The following CDH4 variants were observed in gnomAD, a reference collection of about 807,000 sequenced individuals.
CDH4 encodes cadherin-4.
Under a neutral mutation model 86.0 loss-of-function variants are expected in CDH4, and 33 were observed. The ratio of observed to expected loss-of-function variants is 0.38; its 90% CI spans 0.29 to 0.51. The LOEUF (loss-of-function observed/expected upper bound fraction) is 0.51, where lower values mean the gene tolerates loss of function less well. Among genes scored for constraint, CDH4 ranks in the 20% least tolerant of loss-of-function variants. The pLI is 0.86. For synonymous variants in CDH4, 555 were observed against 549.4 expected, an observed-to-expected ratio of 1.01 and a Z score of -0.14; for missense variants, 1,114 against 1,307.4, an observed-to-expected ratio of 0.85 and a Z score of 2.28.
chr20:61,456,550 A>G (rs543632924), intron 2 of CDH4, among the ~76,000 whole-genome samples: 2 of 152,342 alleles, frequency 1.3e-5, no homozygotes, highest in South Asian at 4.1e-4. Flanking sequence ...ACATCAATAA[A>G]TAATTCACCC....
chr20:61,509,321 C>T (rs1035285403), intron 2 of CDH4, among the ~76,000 whole-genome samples: 1 of 151,878 alleles, frequency 6.6e-6, no homozygotes, highest in African/African-American at 2.4e-5. Flanking sequence ...CGGAGGGACT[C>T]ATCCTGCCCC....
intron 4 of CDH4, among the ~76,000 whole-genome samples, chr20:61,825,121 T>G (rs1397621354): frequency 6.6e-6 from 1 of 152,138 alleles, no homozygotes; most frequent in Admixed American, 6.6e-5. Flanking sequence ...AAAACTATCT[T>G]TATAGGCCAG....
At chr20:61,755,651 G>A (rs572366152) in intron 3 of CDH4, among the ~76,000 whole-genome samples, 2 of 148,284 alleles carry the variant, frequency 1.3e-5, no homozygotes, top group South Asian at 4.3e-4. Context: ...CACACACGGA[G>A]CATGTCACAC....
In CDH4 at chr20:61,727,643, G is replaced by A. The variant is rs138398734; in HGVS notation, c.170-15920G>A. ...AGGGCCTCAGGAAGCTTCCACTCAT[G>A]GCAGAAGGCAAAGGAGACCATAGGT... is the stretch of plus-strand genomic sequence containing the variant. On this transcript the variant is annotated intron_variant, in intron 2 of 15. Transcript: ENST00000614565. 1.2e-3 allele frequency among the ~76,000 whole-genome samples: 187 copies of A among 152,320 alleles called. 1 individual carries two copies. The highest frequency in any genetic ancestry group is 4.4e-3 in the African/African-American group (183 of 41,580).
At chr20:61,288,060 C>A (rs933641938) in intron 2 of CDH4, among the ~76,000 whole-genome samples, 1 of 152,140 alleles carries the variant, frequency 6.6e-6, no homozygotes, top group Non-Finnish European at 1.5e-5. Flanking sequence ...CAGTTATCAG[C>A]CTTGGAAAAT....
intron 2 of CDH4, among the ~76,000 whole-genome samples, chr20:61,329,057 A>C (rs1214944688): frequency 6.6e-6 from 1 of 152,222 alleles, no homozygotes; most frequent in African/African-American, 2.4e-5. Context: ...TTTGATAGTA[A>C]CATGTTGAGT....
intron 2 of CDH4, among the ~76,000 whole-genome samples, chr20:61,655,120 A>G (rs1324806250): frequency 6.6e-6 from 1 of 152,226 alleles, no homozygotes; most frequent in Non-Finnish European, 1.5e-5. Context: ...TAGCATGTGT[A>G]TGTGTGGTAG....
At chr20:61,895,121 C>CCT (rs1025312521) in intron 8 of CDH4, 74 bp downstream of exon 8, 6 of 1,537,308 alleles carry the variant, frequency 3.9e-6, no homozygotes, top group Non-Finnish European at 4.4e-6. Context: ...GGCACAGCCT[C>CCT]CTCTCTCTCT....
At chr20:61,327,970 A>G (rs191003639) in intron 2 of CDH4, among the ~76,000 whole-genome samples, 2 of 152,334 alleles carry the variant, frequency 1.3e-5, no homozygotes, top group African/African-American at 4.8e-5. Flanking sequence ...GCAAATTCAC[A>G]GGACAATACT....
chr20:61,462,213 T>A (rs1488825266), intron 2 of CDH4, among the ~76,000 whole-genome samples: 1 of 152,186 alleles, frequency 6.6e-6, no homozygotes, highest in Non-Finnish European at 1.5e-5. Context: ...TTGTTACAGG[T>A]TTGAATTTTC....
intron 4 of CDH4, among the ~76,000 whole-genome samples, chr20:61,841,310 G>C (rs971697503): frequency 2.0e-5 from 3 of 152,236 alleles, no homozygotes; most frequent in African/African-American, 7.2e-5. Context: ...CACCTCAGCT[G>C]CCTGCTCTCC....
chr20:61,438,465 A>G (rs1358980405), intron 2 of CDH4, among the ~76,000 whole-genome samples: 1 of 152,224 alleles, frequency 6.6e-6, no homozygotes, highest in Non-Finnish European at 1.5e-5. Context: ...GTTTTGCTAT[A>G]AAAGAAATAT....
chr20:61,934,648 CG>C (rs1193749735), intron 15 of CDH4, among the ~76,000 whole-genome samples: 3 of 152,200 alleles, frequency 2.0e-5, no homozygotes, highest in Non-Finnish European at 2.9e-5. Context: ...ATGGCCTTCC[CG>C]GGCTCGGCTC....
chr20:61,453,872 TAGTG>T (rs1210509700), intron 2 of CDH4, among the ~76,000 whole-genome samples: 22 of 152,244 alleles, frequency 1.4e-4, no homozygotes, highest in African/African-American at 5.3e-4. Context: ...GTTCTCCTGA[TAGTG>T]AGCGAGTTCT....
chr20:61,390,901 A>T (rs1482688425), intron 2 of CDH4, among the ~76,000 whole-genome samples: 1 of 152,264 alleles, frequency 6.6e-6, no homozygotes, highest in Non-Finnish European at 1.5e-5. Context: ...TCATGCGGTC[A>T]TAGGTAATTT....
chr20:61,532,356 C>T (rs192989075), intron 2 of CDH4, among the ~76,000 whole-genome samples: 161 of 152,266 alleles, frequency 1.1e-3, no homozygotes, highest in African/African-American at 3.6e-3. Flanking sequence ...ATGTGTGGGA[C>T]CCTGGCACCA....
Position 61,510,750 on chromosome 20 carries a change from A to C in CDH4, c.170-232813A>C, listed in dbSNP as rs932883211. On this transcript the variant is annotated intron_variant, in intron 2 of 15. Transcript: ENST00000614565. The surrounding 1 kb of genome is among the most constrained non-coding windows in gnomAD (Gnocchi z 4.2). ...GAAAATTGTATTAGGCTGTTCTTGCATTGCTATAAAGAAATACCTGAGACT... is the reference window on the plus strand; with the variant it reads ...GAAAATTGTATTAGGCTGTTCTTGCCTTGCTATAAAGAAATACCTGAGACT... Among the ~76,000 whole-genome samples the C allele has an allele frequency of 6.6e-6, 1 of 152,158 alleles. No homozygotes were observed. Among genetic ancestry groups the C allele is most frequent in the Non-Finnish European group, 1.5e-5 (1 of 68,032 alleles).
Position 61,499,391 on chromosome 20 carries a change from G to A in CDH4, c.170-244172G>A, listed in dbSNP as rs775909735. On this transcript the variant is annotated intron_variant, in intron 2 of 15. Coordinates refer to ENST00000614565, the MANE Select transcript of CDH4 (RefSeq NM_001794.5). ...CTTGCTCTGCCCTGTTAAAGGTTAT[G>A]CGGGACTGGGGTGCAGGTGTGCCTG... is the stretch of plus-strand genomic sequence containing the variant. 31 of 1,202,752 alleles carry A rather than the reference G, an allele frequency of 2.6e-5. No individual in the cohort carries two copies. In the South Asian group the frequency reaches 2.9e-4, roughly 11 times the overall value. The allele number at this position is 1,202,752 out of a possible 1,614,324, so 74.5% of individuals were successfully genotyped here. A position where few individuals can be genotyped will look rare whatever the true frequency, so the allele number is the denominator to read the frequency against.
At chr20:61,661,895 G>A (rs6089457) in intron 2 of CDH4, among the ~76,000 whole-genome samples, 36,008 of 151,996 alleles carry the variant, frequency 0.24, 4,855 homozygotes, top group African/African-American at 0.39. Context: ...ATATTGTGCC[G>A]CGGTCCTGTA....
Sources: gnomAD v4.1 joint callset for allele counts (sites outside exome capture counted in the v4.1 genomes callset) on GRCh38, gnomAD v4.1.1 for gene constraint, Gnocchi (gnomAD v3.1) non-coding constraint, MANE v1.5 for transcripts, NCBI Gene and HGNC (gene_info 2026-07-23, HGNC 2026-07-21) for gene names.